The following FMN1 variants were observed in gnomAD, a reference collection of about 807,000 sequenced individuals.
FMN1 encodes the protein formin-1.
A neutral mutation model predicts 132.4 loss-of-function variants in FMN1; 110 were observed. That is an observed-to-expected ratio of 0.83 (90% CI 0.71 to 0.97). The LOEUF (loss-of-function observed/expected upper bound fraction) is 0.97, where lower values mean the gene tolerates loss of function less well. FMN1 is among the 50% of genes least tolerant of loss of function. The pLI, the probability that FMN1 is intolerant of heterozygous loss-of-function variation, is 0.00. For missense variants in FMN1, 1,792 were observed against 1,705.3 expected (o/e 1.05, Z -0.90); for synonymous variants, 722 against 651.7 (o/e 1.11, Z -1.64).
chr15:33,116,776 T>C (rs182406173), intron 4 of FMN1, among the ~76,000 whole-genome samples: 7 of 151,546 alleles, frequency 4.6e-5, no homozygotes, highest in Admixed American at 2.0e-4. Context: ...TCATGAGAAA[T>C]AGTCGACAAA....
At chr15:33,170,812 A>T (rs1488285006) in intron 3 of FMN1, among the ~76,000 whole-genome samples, 1 of 152,174 alleles carries the variant, frequency 6.6e-6, no homozygotes, top group East Asian at 1.9e-4. Flanking sequence ...TATAGTCATT[A>T]TGGATGAAGA....
chr15:32,921,738 G>A (rs957680190), intron 10 of FMN1, among the ~76,000 whole-genome samples: 5 of 150,060 alleles, frequency 3.3e-5, no homozygotes, highest in Admixed American at 6.7e-5. Flanking sequence ...GTACAGTGGC[G>A]TGATCTCGGC....
chr15:32,779,271 T>C (rs1351137412), intron 19 of FMN1, among the ~76,000 whole-genome samples: 3 of 148,306 alleles, frequency 2.0e-5, no homozygotes, highest in Non-Finnish European at 4.5e-5. Context: ...GTGATACTAA[T>C]GTGTATGGAA....
rs150358673 is a variant in FMN1 at position 32,880,062 on chromosome 15, T to A, written c.3835+8110A>T. Among the ~76,000 whole-genome samples, 472 of 151,890 alleles carry A rather than the reference T, an allele frequency of 3.1e-3. 1 individual carries two copies. Among genetic ancestry groups the A allele is most frequent in the African/African-American group, 0.011 (440 of 41,288 alleles). The stretch of plus-strand genomic sequence containing the variant: ...TAACAAGCTTCTATTGTTTTTTTTT[T>A]ATTTTTCTCTTTATCAACTATAAAT... On this transcript the variant is annotated intron_variant, in intron 16 of 20. Coordinates refer to ENST00000616417, the MANE Select transcript of FMN1 (RefSeq NM_001277313.2).
intron 4 of FMN1, among the ~76,000 whole-genome samples, chr15:33,113,005 C>T (rs770025192): frequency 6.6e-6 from 1 of 152,200 alleles, no homozygotes; most frequent in Non-Finnish European, 1.5e-5. Flanking sequence ...ACAGTGTCTT[C>T]TCTATTTTCT....
At chr15:33,015,677 T>C (rs2035002891) in intron 6 of FMN1, among the ~76,000 whole-genome samples, 1 of 151,072 alleles carries the variant, frequency 6.6e-6, no homozygotes, top group African/African-American at 2.4e-5. Flanking sequence ...TACCTCACAT[T>C]GTTGTATTTT....
chr15:32,832,877 G>T (rs933833293), intron 17 of FMN1, among the ~76,000 whole-genome samples: 3 of 152,128 alleles, frequency 2.0e-5, no homozygotes, highest in African/African-American at 4.8e-5. Flanking sequence ...ATGACCCCGG[G>T]TTACCTAAAT....
chr15:32,909,919 T>C (rs755922631), intron 11 of FMN1, among the ~76,000 whole-genome samples: 38 of 152,086 alleles, frequency 2.5e-4, no homozygotes, highest in Non-Finnish European at 4.4e-4. Context: ...ATCCCCGCTA[T>C]ACTGATGATC....
intron 18 of FMN1, among the ~76,000 whole-genome samples, chr15:32,799,377 A>G (rs1372604516): frequency 6.6e-6 from 1 of 152,162 alleles, no homozygotes; most frequent in Non-Finnish European, 1.5e-5. Flanking sequence ...TAATCTGTCA[A>G]ATGTTTCACA....
At chr15:32,977,011 G>T (rs951367604) in intron 7 of FMN1, among the ~76,000 whole-genome samples, 1 of 152,140 alleles carries the variant, frequency 6.6e-6, no homozygotes, top group African/African-American at 2.4e-5. Flanking sequence ...TTTCAATCCT[G>T]GCTGATATAA....
rs758356027 is a variant in FMN1 at position 32,901,927 on chromosome 15, A to G, written c.3491T>C (p.Ile1164Thr). 2.5e-6 allele frequency: 4 copies of G among 1,609,540 alleles called. No individual in the cohort carries two copies. The East Asian group carries it at 6.7e-5, about 27-fold the overall frequency. The change falls in exon 13 of 21, where the codon ATC (isoleucine) becomes ACC (threonine). Residue 1164 changes from isoleucine (I) to threonine (T), a missense_variant. Physicochemically the swap from Ile to Thr is moderately conservative, Grantham distance 89. Coordinates refer to ENST00000616417, the MANE Select transcript of FMN1 (RefSeq NM_001277313.2). ...TAAACATACCTTAGAAGCTCGCGTG[A>G]TGATCTCTACCTTTCTGTGCAAGGA... ...ITSLHRKVEI[I>T]TRASKDLLHV... is the part of the protein sequence containing the mutation.
chr15:33,067,458 G>A, intron 5 of FMN1: 2 of 1,613,990 alleles, frequency 1.2e-6, no homozygotes, highest in Non-Finnish European at 1.7e-6. Flanking sequence ...CTGGTGGTGT[G>A]CACCAGGGTC....
chr15:32,949,964 TACAC>T (rs199751112), intron 9 of FMN1, among the ~76,000 whole-genome samples: 34 of 33,560 alleles, frequency 1.0e-3, no homozygotes, highest in African/African-American at 4.9e-3. Context: ...TATATATATA[TACAC>T]ACATATATAT....
chr15:33,158,614 C>G (rs1964771192), intron 3 of FMN1, among the ~76,000 whole-genome samples: 1 of 152,106 alleles, frequency 6.6e-6, no homozygotes. Flanking sequence ...TTCCTTTGTT[C>G]TGGGCCCTGG....
chr15:32,803,469 T>C (rs2057549305), intron 18 of FMN1, among the ~76,000 whole-genome samples: 2 of 152,126 alleles, frequency 1.3e-5, no homozygotes, highest in African/African-American at 4.8e-5. Flanking sequence ...CCATGTGATA[T>C]CTATTGAGAG....
intron 4 of FMN1, among the ~76,000 whole-genome samples, chr15:33,122,069 T>A (rs905289227): frequency 6.6e-6 from 1 of 151,990 alleles, no homozygotes. Flanking sequence ...AACAGACAAA[T>A]AAAGAATACT....
At chr15:33,048,447 G>C (rs2036792460) in intron 6 of FMN1, among the ~76,000 whole-genome samples, 1 of 151,894 alleles carries the variant, frequency 6.6e-6, no homozygotes, top group South Asian at 2.1e-4. Flanking sequence ...GATGGTCTTT[G>C]TAAGTTGTGA....
At chr15:32,812,879 T>A (rs1179499812) in intron 17 of FMN1, among the ~76,000 whole-genome samples, 1 of 152,224 alleles carries the variant, frequency 6.6e-6, no homozygotes, top group East Asian at 1.9e-4. Flanking sequence ...CTCTGGTGAC[T>A]GTAATAATAA....
At chr15:32,880,237 C>G (rs949220356) in intron 16 of FMN1, among the ~76,000 whole-genome samples, 1 of 152,110 alleles carries the variant, frequency 6.6e-6, no homozygotes, top group Non-Finnish European at 1.5e-5. Context: ...TATGGAAACT[C>G]TGATTATTCC....
Sources: allele counts gnomAD v4.1 joint callset (sites outside exome capture counted in the v4.1 genomes callset), GRCh38; gene constraint gnomAD v4.1.1; transcripts MANE v1.5; gene names NCBI Gene and HGNC (gene_info 2026-07-23, HGNC 2026-07-21).